The following SCLT1 variants were observed in gnomAD, a reference collection of about 807,000 sequenced individuals.
SCLT1 encodes the protein sodium channel and clathrin linker 1.
SCLT1 carries 78 observed loss-of-function variants against 112.8 expected under a neutral mutation model. The observed-to-expected ratio is 0.69, with a 90% confidence interval of 0.58 to 0.83. The LOEUF is 0.83. SCLT1 is among the 40% of genes least tolerant of loss of function. The probability of loss-of-function intolerance (pLI) is 0.00; values close to 1 mark genes in which losing one functional copy is unlikely to be tolerated. For missense variants in SCLT1, 747 were observed against 770.4 expected (o/e 0.97, Z 0.36); for synonymous variants, 257 against 254.7 (o/e 1.01, Z -0.09).
chr4:128,959,365 A>T (rs934185689), intron 12 of SCLT1, among the ~76,000 whole-genome samples: 1 of 152,070 alleles, frequency 6.6e-6, no homozygotes, highest in East Asian at 1.9e-4. Context: ...GTTACGCAGC[A>T]TCTGGGAGAA....
At position 128,919,885 on chromosome 4, in the gene SCLT1, TC is replaced by T. The variant is rs111835278; in HGVS notation, c.1829+16769del. On this transcript the variant is annotated intron_variant, in intron 18 of 20. Coordinates refer to ENST00000281142, the MANE Select transcript of SCLT1 (RefSeq NM_144643.4). Reference sequence around the variant, plus strand: ...ATCCCTGAACAAACCAATAGTGAGTTCAGAAACTGAATCAATAATAAAAGTC... The same window carrying T: ...ATCCCTGAACAAACCAATAGTGAGTTAGAAACTGAATCAATAATAAAAGTC... Among the ~76,000 whole-genome samples the T allele has an allele frequency of 5.6e-3, 850 of 152,164 alleles. 14 individuals are homozygous for T. Among genetic ancestry groups the T allele is most frequent in the African/African-American group, 0.019 (798 of 41,498 alleles).
intron 18 of SCLT1, among the ~76,000 whole-genome samples, chr4:128,925,845 T>A (rs1459805709): frequency 6.6e-6 from 1 of 152,056 alleles, no homozygotes; most frequent in Non-Finnish European, 1.5e-5. Flanking sequence ...CTGCTGTTAA[T>A]CCCATTTTGT....
At chr4:128,958,103 C>T (rs758838291) in intron 12 of SCLT1, among the ~76,000 whole-genome samples, 37 of 152,142 alleles carry the variant, frequency 2.4e-4, no homozygotes, top group Non-Finnish European at 4.3e-4. Context: ...TTTTTCTGGG[C>T]TTGGAACTTC....
At chr4:129,040,178 T>G in intron 4 of SCLT1, 1 of 702,652 alleles carries the variant, frequency 1.4e-6, no homozygotes, top group Non-Finnish European at 2.6e-6. Context: ...TAAATTTGGT[T>G]TGAAAGGTGA....
intron 18 of SCLT1, among the ~76,000 whole-genome samples, chr4:128,912,313 T>C (rs904306517): frequency 6.6e-6 from 1 of 152,156 alleles, no homozygotes; most frequent in African/African-American, 2.4e-5. Context: ...GGAAGTACCA[T>C]CTAGCAGTTA....
chr4:129,082,733 T>G (rs1272602878), intron 1 of SCLT1, among the ~76,000 whole-genome samples: 1 of 152,208 alleles, frequency 6.6e-6, no homozygotes, highest in Non-Finnish European at 1.5e-5. Flanking sequence ...ATTGGGAAGA[T>G]AAGCTATAGT....
chr4:129,069,014 G>A (rs889451342), intron 2 of SCLT1, among the ~76,000 whole-genome samples: 6 of 152,046 alleles, frequency 3.9e-5, no homozygotes, highest in African/African-American at 1.2e-4. Context: ...ATCCCTGCAC[G>A]ATTTGTTGAA....
intron 4 of SCLT1, chr4:129,040,251 C>A: frequency 1.4e-6 from 1 of 702,538 alleles, no homozygotes. Flanking sequence ...AATTCACTAC[C>A]AGATAATTGA....
chr4:129,049,777 G>T (rs895461644), intron 2 of SCLT1, among the ~76,000 whole-genome samples: 9 of 151,698 alleles, frequency 5.9e-5, no homozygotes, highest in Admixed American at 1.3e-4. Flanking sequence ...GAACGTTCAG[G>T]TTTGTTACAT....
intron 9 of SCLT1, among the ~76,000 whole-genome samples, chr4:128,986,763 G>A (rs73847338): frequency 6.6e-6 from 1 of 152,154 alleles, no homozygotes; most frequent in East Asian, 1.9e-4. Context: ...CAGAATTCAT[G>A]CCCTGCTAAC....
chr4:128,904,529 T>C (rs1299979111), intron 18 of SCLT1, among the ~76,000 whole-genome samples: 1 of 152,174 alleles, frequency 6.6e-6, no homozygotes, highest in Admixed American at 6.6e-5. Flanking sequence ...GGAAGATCTT[T>C]CAGCCCTTCC....
chr4:128,910,987 G>A (rs1391937183), intron 18 of SCLT1, among the ~76,000 whole-genome samples: 1 of 152,134 alleles, frequency 6.6e-6, no homozygotes, highest in African/African-American at 2.4e-5. Flanking sequence ...CAACAGGCCA[G>A]GTGCGGTGGC....
At chr4:128,960,904 G>T (rs1739651631) in intron 11 of SCLT1, among the ~76,000 whole-genome samples, 1 of 119,842 alleles carries the variant, frequency 8.3e-6, no homozygotes, top group Admixed American at 1.0e-4. Flanking sequence ...TCCGGCCTGG[G>T]CGACAGAGCG....
At chr4:129,082,592 T>A (rs369399859) in intron 1 of SCLT1, among the ~76,000 whole-genome samples, 15 of 151,968 alleles carry the variant, frequency 9.9e-5, no homozygotes, top group Admixed American at 3.9e-4. Flanking sequence ...GTGAAAAAAA[T>A]AACATCTGCA....
At chr4:128,947,402 A>AT (rs997761793) in intron 15 of SCLT1, among the ~76,000 whole-genome samples, 34 of 149,686 alleles carry the variant, frequency 2.3e-4, no homozygotes, top group South Asian at 4.3e-4. Context: ...GAACACATGT[A>AT]TTTTTTTTTT....
At chr4:128,969,866 T>C (rs1740539028) in intron 10 of SCLT1, among the ~76,000 whole-genome samples, 1 of 152,202 alleles carries the variant, frequency 6.6e-6, no homozygotes, top group Non-Finnish European at 1.5e-5. Flanking sequence ...TAATCAACTT[T>C]TTACAGATTG....
chr4:128,948,352 A>AG, intron 15 of SCLT1, 144 bp downstream of exon 15: 1 of 1,028,026 alleles, frequency 9.7e-7, no homozygotes, highest in Non-Finnish European at 1.3e-6. Context: ...AAAAAAAAAA[A>AG]AAAAAAAGAA....
chr4:129,068,640 T>A (rs1418913830), intron 2 of SCLT1, among the ~76,000 whole-genome samples: 1 of 152,166 alleles, frequency 6.6e-6, no homozygotes, highest in Non-Finnish European at 1.5e-5. Context: ...TTCTTGCCCA[T>A]TTGTTTGAGT....
intron 7 of SCLT1, among the ~76,000 whole-genome samples, chr4:128,999,214 C>A (rs892520727): frequency 2.6e-5 from 4 of 151,930 alleles, no homozygotes; most frequent in African/African-American, 9.7e-5. Flanking sequence ...TTATGATAGA[C>A]AAAATTGACA....
Sources: gnomAD v4.1 joint callset for allele counts (sites outside exome capture counted in the v4.1 genomes callset) on GRCh38, gnomAD v4.1.1 for gene constraint, MANE v1.5 for transcripts, NCBI Gene and HGNC (gene_info 2026-07-23, HGNC 2026-07-21) for gene names.